The following ART3 variants were observed in gnomAD, a reference collection of about 807,000 sequenced individuals.
ART3 encodes ecto-ADP-ribosyltransferase 3.
In ART3, 49 loss-of-function variants were observed where a neutral mutation model predicts 48.5. The observed-to-expected ratio is 1.01, with a 90% CI of 0.80 to 1.28. ART3 has a LOEUF of 1.28. Ranked by LOEUF, ART3 falls within the 50% of genes most tolerant of loss-of-function variation. ART3 has a pLI of 0.00. For missense variants in ART3, 438 were observed against 454.3 expected, an observed-to-expected ratio of 0.96 and a Z score of 0.33; for synonymous variants, 145 against 157.2, an observed-to-expected ratio of 0.92 and a Z score of 0.58.
rs1553926476 is a variant in ART3 at position 76,040,528 on chromosome 4, G to GTC, written c.-10+29208_-10+29209insTC. ...CAGACTATATCAGGTTCTCCCCCCCGCCCCCTCCATGTGTCAGGGACTATA... is the reference window on the plus strand; with the variant it reads ...CAGACTATATCAGGTTCTCCCCCCCGTCCCCCCTCCATGTGTCAGGGACTATA... On this transcript the variant is annotated intron_variant, in intron 1 of 9. Coordinates refer to the ART3 transcript ENST00000341029. Among the ~76,000 whole-genome samples, 12 of 47,288 alleles carry GTC rather than the reference G, an allele frequency of 2.5e-4. 1 individual carries two copies. Among genetic ancestry groups the GTC allele is most frequent in the African/African-American group, 1.2e-3 (12 of 10,406 alleles). The allele number at this position is 47,288 out of a possible 152,430, so 31.0% of individuals were successfully genotyped here.
chr4:76,043,744 A>G (rs1460698424), intron 1 of ART3, among the ~76,000 whole-genome samples: 3 of 150,292 alleles, frequency 2.0e-5, no homozygotes, highest in Non-Finnish European at 4.5e-5. Flanking sequence ...ACAGTGCAGC[A>G]GTGGGCTGAA....
At chr4:76,051,346 T>C (rs1328166406) in intron 1 of ART3, among the ~76,000 whole-genome samples, 1 of 152,154 alleles carries the variant, frequency 6.6e-6, no homozygotes, top group Non-Finnish European at 1.5e-5. Flanking sequence ...GAGTTTCTTA[T>C]AATATTATTA....
At position 76,035,148 on chromosome 4, in the gene ART3, A is replaced by G; in HGVS notation, c.-10+23828A>G. On this transcript the variant is annotated intron_variant, in intron 1 of 9. Transcript: ENST00000341029. The stretch of plus-strand genomic sequence containing the variant: ...TTAAAAGAACATACAAGAGTCTTAA[A>G]GTTTAGATGCAAATACATAAACAAA... 1.9e-6 allele frequency: 3 copies of G among 1,613,212 alleles called. No individual in the cohort carries two copies. The South Asian group carries it at 3.3e-5, about 18-fold the overall frequency.
intron 2 of ART3, 149 bp downstream of exon 2, chr4:76,076,107 C>G: frequency 1.6e-6 from 1 of 640,760 alleles, no homozygotes; most frequent in Non-Finnish European, 2.7e-6. Context: ...CAGGTTCATG[C>G]CATTTTCCTG....
At chr4:76,043,617 C>T (rs1327100814) in intron 1 of ART3, among the ~76,000 whole-genome samples, 1 of 152,146 alleles carries the variant, frequency 6.6e-6, no homozygotes, top group Non-Finnish European at 1.5e-5. Flanking sequence ...CCCAGAACTC[C>T]AGCTGGCCCA....
At position 76,082,265 on chromosome 4, in the gene ART3, A is replaced by G; in HGVS notation, c.511A>G (p.Thr171Ala). The change falls in exon 3 of 12, where the codon ACA becomes GCA. Residue 171 changes from threonine to alanine, a missense_variant. Around this residue, in one of 3 missense-constraint regions of ART3, gnomAD observed 206 missense variants for 205.3 expected, o/e 1.00. Coordinates refer to ENST00000355810, the MANE Select transcript of ART3 (RefSeq NM_001130016.3). ...TAGAACAAGCCAGGGCACTTCATTT[A>G]CATTTGGAGGGCTAAACCAAGCCAG... ...VYRTSQGTSF[T>A]FGGLNQARFG... is the part of the protein sequence containing the mutation. 1 of 1,614,216 alleles carries G rather than the reference A, an allele frequency of 6.2e-7. No homozygotes were observed. Among genetic ancestry groups the G allele is most frequent in the Non-Finnish European group, 8.5e-7 (1 of 1,180,050 alleles).
intron 1 of ART3, among the ~76,000 whole-genome samples, chr4:76,046,056 T>G (rs1208259408): frequency 1.3e-5 from 2 of 151,986 alleles, no homozygotes; most frequent in Non-Finnish European, 2.9e-5. Context: ...GCTTCCAAAC[T>G]GGTAGCCAAA....
In ART3 at chr4:76,047,097, A is replaced by C. The variant is rs371954177; in HGVS notation, c.-9-28784A>C. 6.7e-4 allele frequency among the ~76,000 whole-genome samples: 102 copies of C among 152,150 alleles called. 5 individuals are homozygous for C. In the South Asian group the frequency reaches 7.3e-3, roughly 11 times the overall value. On this transcript the variant is annotated intron_variant, in intron 1 of 9. Coordinates refer to the ART3 transcript ENST00000341029. ...CATCCTCTGGGGCAGTGCACCTTCC[A>C]GTGATTGCCTCAGCATAGTGGACAT...
At chr4:76,112,050 AAT>A (rs1280859785) in intron 11 of ART3, 5 of 207,502 alleles carry the variant, frequency 2.4e-5, no homozygotes, top group East Asian at 1.2e-4. Context: ...TAACATATAA[AAT>A]ATGTTAATCA....
intron 3 of ART3, among the ~76,000 whole-genome samples, chr4:76,090,317 A>G (rs967401444): frequency 2.6e-5 from 4 of 152,228 alleles, no homozygotes; most frequent in African/African-American, 9.6e-5. Context: ...GCATAATAAG[A>G]TACTGGTTTA....
chr4:76,109,894 TCTGA>T (rs1729161689), intron 11 of ART3, among the ~76,000 whole-genome samples: 1 of 152,208 alleles, frequency 6.6e-6, no homozygotes, highest in African/African-American at 2.4e-5. Context: ...CTTTTACAAA[TCTGA>T]CTGGCTATTT....
At chr4:76,074,908 C>G (rs1342504341) in intron 1 of ART3, 89 bp downstream of exon 1, 1 of 152,126 alleles carries the variant, frequency 6.6e-6, no homozygotes, top group African/African-American at 2.4e-5. Context: ...AACATATTGC[C>G]TTGTGACAGA....
rs1323873376 is a variant in ART3 at position 76,104,045 on chromosome 4, G to A, written c.970+76G>A. 3 of 1,407,436 alleles carry A rather than the reference G, an allele frequency of 2.1e-6. No homozygotes were observed. The East Asian group carries it at 6.8e-5, about 32-fold the overall frequency. 87.2% of individuals were successfully genotyped at this position (1,407,436 alleles called of 1,614,324 possible). A position where few individuals can be genotyped will look rare whatever the true frequency, so the allele number is the denominator to read the frequency against. On this transcript the variant is annotated intron_variant, in intron 9 of 11. Coordinates refer to ENST00000355810, the MANE Select transcript of ART3 (RefSeq NM_001130016.3). ...ATTCCCAGGCATTTAAGAGAATACT[G>A]TCATGAGACTATTATTCATGAATAT... is the stretch of plus-strand genomic sequence containing the variant.
chr4:76,050,423 G>A (rs376897050), intron 1 of ART3, among the ~76,000 whole-genome samples: 29 of 152,178 alleles, frequency 1.9e-4, no homozygotes, highest in East Asian at 9.7e-4. Context: ...AGCTAGATAC[G>A]GAGTGTCAAT....
chr4:76,077,026 A>G (rs1721249347), intron 2 of ART3, among the ~76,000 whole-genome samples: 1 of 152,134 alleles, frequency 6.6e-6, no homozygotes, highest in Admixed American at 6.5e-5. Context: ...TTTTTATTGA[A>G]ATATAATTTA....
intron 1 of ART3, among the ~76,000 whole-genome samples, chr4:76,052,245 G>T (rs568156559): frequency 3.2e-4 from 49 of 151,998 alleles, no homozygotes; most frequent in South Asian, 8.3e-4. Flanking sequence ...ATTTCCAAAG[G>T]TTGTATTCTG....
chr4:76,064,255 C>A lies in ART3; in HGVS notation c.-9-11626C>A, dbSNP rs114223062. Among the ~76,000 whole-genome samples, 235 of 152,240 alleles carry A rather than the reference C, an allele frequency of 1.5e-3. 1 individual carries two copies. Among genetic ancestry groups the A allele is most frequent in the Non-Finnish European group, 2.4e-3 (162 of 68,016 alleles). ...GACAAATACTACTTTTCCCAACAAC[C>A]ACCATGATCACCACTACCATCACCA... On this transcript the variant is annotated intron_variant, in intron 1 of 9. Transcript: ENST00000341029.
intron 1 of ART3, among the ~76,000 whole-genome samples, chr4:76,015,283 G>A (rs1019494673): frequency 1.3e-5 from 2 of 152,172 alleles, no homozygotes; most frequent in Non-Finnish European, 2.9e-5. Context: ...ATTGTCAAAG[G>A]GGAGGGATGC....
chr4:76,079,605 C>T (rs1311003427), intron 2 of ART3, among the ~76,000 whole-genome samples: 1 of 152,100 alleles, frequency 6.6e-6, no homozygotes, highest in African/African-American at 2.4e-5. Flanking sequence ...GGAACTCCAA[C>T]ATTTAATGGC....
Sources: allele counts gnomAD v4.1 joint callset (sites outside exome capture counted in the v4.1 genomes callset), GRCh38; gene constraint gnomAD v4.1.1; regional missense constraint gnomAD v4.1.1; transcripts MANE v1.5; gene names NCBI Gene and HGNC (gene_info 2026-07-23, HGNC 2026-07-21).